SIPA1L2: variants seen among roughly 807,000 people sequenced by gnomAD.
SIPA1L2 encodes signal-induced proliferation-associated 1-like protein 2.
In SIPA1L2, 56 loss-of-function variants were observed where a neutral mutation model predicts 163.9. That is an observed-to-expected ratio of 0.34 (90% CI 0.28 to 0.43). SIPA1L2 has a LOEUF of 0.43. Among genes scored for constraint, SIPA1L2 ranks in the 20% least tolerant of loss-of-function variants. The probability of loss-of-function intolerance (pLI) is 1.00; values close to 1 mark genes in which losing one functional copy is unlikely to be tolerated. For synonymous variants in SIPA1L2, 877 were observed against 865.7 expected (o/e 1.01, Z -0.23); for missense variants, 1,974 against 2,193.5 (o/e 0.90, Z 2.00).
intron 1 of SIPA1L2, among the ~76,000 whole-genome samples, chr1:232,628,207 C>T (rs1357496850): frequency 6.6e-6 from 1 of 152,164 alleles, no homozygotes; most frequent in Non-Finnish European, 1.5e-5. Context: ...CATAAAAGGG[C>T]TTGTGCTTAG....
chr1:232,441,446 A>G lies in SIPA1L2; in HGVS notation c.3539-52T>C, dbSNP rs186239737. 3,171 of 1,427,688 alleles carry G rather than the reference A, an allele frequency of 2.2e-3. 13 individuals are homozygous for G. Among genetic ancestry groups the G allele is most frequent in the Non-Finnish European group, 2.5e-3 (2,558 of 1,030,510 alleles). The allele number at this position is 1,427,688 out of a possible 1,614,324, so 88.4% of individuals were successfully genotyped here. On this transcript the variant is annotated intron_variant, in intron 13 of 22. Transcript: ENST00000674635. The stretch of plus-strand genomic sequence containing the variant: ...ATTTCCAATTTCCAGTATTACCAAA[A>G]GAGTAAAGAAAACCAGGAGTCAGAC...
At chr1:232,492,649 G>C (rs1414096722) in intron 4 of SIPA1L2, among the ~76,000 whole-genome samples, 1 of 152,198 alleles carries the variant, frequency 6.6e-6, no homozygotes, top group Non-Finnish European at 1.5e-5. Context: ...CAAAGCGTGG[G>C]TAGTAATGAC....
At chr1:232,489,367 CTTCATATATTG>C (rs959920872) in intron 5 of SIPA1L2, among the ~76,000 whole-genome samples, 2 of 152,154 alleles carry the variant, frequency 1.3e-5, no homozygotes, top group African/African-American at 4.8e-5. Context: ...TTCATGAACA[CTTCATATATTG>C]TTCATATATA....
At chr1:232,444,408 A>T (rs1253550015) in intron 11 of SIPA1L2, among the ~76,000 whole-genome samples, 1 of 152,148 alleles carries the variant, frequency 6.6e-6, no homozygotes, top group Middle Eastern at 3.2e-3. Flanking sequence ...TACCAGGGCT[A>T]TCTATGTACA....
chr1:232,507,610 T>C (rs1666787588), intron 3 of SIPA1L2, among the ~76,000 whole-genome samples: 1 of 152,216 alleles, frequency 6.6e-6, no homozygotes, highest in African/African-American at 2.4e-5. Flanking sequence ...ATTTGGTAAG[T>C]TGTTTTGTAG....
intron 2 of SIPA1L2, among the ~76,000 whole-genome samples, chr1:232,537,745 T>C (rs960046213): frequency 6.6e-6 from 1 of 152,166 alleles, no homozygotes; most frequent in East Asian, 1.9e-4. Context: ...ATCTGTAAAA[T>C]GGAGAATTAA....
At chr1:232,562,446 C>T (rs1431794106) in intron 2 of SIPA1L2, among the ~76,000 whole-genome samples, 1 of 152,152 alleles carries the variant, frequency 6.6e-6, no homozygotes, top group Non-Finnish European at 1.5e-5. Context: ...GGAATTCTAA[C>T]ACACCGCCTA....
At chr1:232,420,697 C>A (rs895296946) in intron 18 of SIPA1L2, among the ~76,000 whole-genome samples, 2 of 151,542 alleles carry the variant, frequency 1.3e-5, no homozygotes, top group Non-Finnish European at 2.9e-5. Flanking sequence ...TAGCCAGGTG[C>A]GGTGGTGGAT....
intron 18 of SIPA1L2, among the ~76,000 whole-genome samples, chr1:232,419,033 G>A (rs1661419584): frequency 1.3e-5 from 2 of 152,148 alleles, no homozygotes; most frequent in Non-Finnish European, 2.9e-5. Flanking sequence ...AAAATACAAG[G>A]AGTGATTAAG....
intron 3 of SIPA1L2, among the ~76,000 whole-genome samples, chr1:232,505,743 T>A (rs952446907): frequency 3.3e-5 from 5 of 152,164 alleles, no homozygotes; most frequent in African/African-American, 9.7e-5. Context: ...TAAGGGCGCC[T>A]GTGGGACTTG....
At chr1:232,477,923 C>CG (rs1264630665) in intron 7 of SIPA1L2, among the ~76,000 whole-genome samples, 1 of 152,082 alleles carries the variant, frequency 6.6e-6, no homozygotes, top group Non-Finnish European at 1.5e-5. Context: ...TACTCGATGA[C>CG]GGGGGTCAAA....
chr1:232,453,204 G>A (rs1200154733), intron 10 of SIPA1L2, among the ~76,000 whole-genome samples: 4 of 151,882 alleles, frequency 2.6e-5, no homozygotes, highest in East Asian at 1.9e-4. Context: ...TTTGTATTAC[G>A]CTACTATGAA....
intron 1 of SIPA1L2, among the ~76,000 whole-genome samples, chr1:232,620,211 G>A (rs566443252): frequency 2.8e-4 from 43 of 152,206 alleles, no homozygotes; most frequent in Middle Eastern, 3.4e-3. Flanking sequence ...ATTTTTCTCC[G>A]TAGTTTTACC....
Position 232,460,931 on chromosome 1 carries a change from C to T in SIPA1L2, c.3051G>A (p.Val1017=), listed in dbSNP as rs1558194551. 6.2e-7 allele frequency: 1 copy of T among 1,614,248 alleles called. No homozygotes were observed. Among genetic ancestry groups the T allele is most frequent in the Non-Finnish European group, 8.5e-7 (1 of 1,180,046 alleles). Residue 1017 remains valine (V), a synonymous_variant, in exon 10 of 23, where the codon GTG becomes GTA. Transcript: ENST00000674635. ...CATGGGGCTGGATGATGACCACCTT[C>T]ACAGTCACAGAAGTACGGAGCAGGT... The part of the protein sequence containing the change: ...MIDLLRTSVT[V]KVVIIQPHDD...
intron 7 of SIPA1L2, 50 bp downstream of exon 7, chr1:232,479,577 C>A (rs781374598): frequency 1.4e-6 from 2 of 1,458,822 alleles, no homozygotes; most frequent in Non-Finnish European, 1.9e-6. Context: ...AGTGGGCCCA[C>A]CTCAGATTTC....
chr1:232,607,778 G>A (rs1425286832), intron 1 of SIPA1L2, among the ~76,000 whole-genome samples: 4 of 150,434 alleles, frequency 2.7e-5, no homozygotes, highest in South Asian at 4.2e-4. Flanking sequence ...AAAAAACGCC[G>A]GGCACAGTAT....
intron 2 of SIPA1L2, among the ~76,000 whole-genome samples, chr1:232,531,672 G>T (rs1469543997): frequency 6.6e-6 from 1 of 152,154 alleles, no homozygotes; most frequent in African/African-American, 2.4e-5. Flanking sequence ...GTTGTGGTTG[G>T]TAATGTGGAT....
chr1:232,402,541 T>C, intron 21 of SIPA1L2, 68 bp from the exon 22 acceptor site: 1 of 1,390,254 alleles, frequency 7.2e-7, no homozygotes, highest in Non-Finnish European at 1.0e-6. Flanking sequence ...GGTCAAGTTT[T>C]CACTCGAAAA....
Position 232,425,609 on chromosome 1 carries a change from G to C in SIPA1L2, c.4610C>G (p.Pro1537Arg). 1 of 1,596,984 alleles carries C rather than the reference G, an allele frequency of 6.3e-7. No homozygotes were observed. Among genetic ancestry groups the C allele is most frequent in the Non-Finnish European group, 8.5e-7 (1 of 1,169,974 alleles). The change falls in exon 18 of 23, where the codon CCC becomes CGC. Residue 1537 changes from proline (P) to arginine (R), a missense_variant. Transcript: ENST00000674635. ...STLPPRAHPA[P>R]SMGSLRNEFW... Reference sequence around the variant, plus strand: ...CTTACTTCTCAGGCTCCCCATGCTGGGTGCGGGGTGGGCCCGCGGAGGCAG... The same window carrying C: ...CTTACTTCTCAGGCTCCCCATGCTGCGTGCGGGGTGGGCCCGCGGAGGCAG...
Sources: allele counts gnomAD v4.1 joint callset (sites outside exome capture counted in the v4.1 genomes callset), GRCh38; gene constraint gnomAD v4.1.1; transcripts MANE v1.5; gene names NCBI Gene and HGNC (gene_info 2026-07-23, HGNC 2026-07-21).